The following AGTPBP1 variants were observed in gnomAD, a reference collection of about 807,000 sequenced individuals.
The protein encoded by AGTPBP1 is ATP/GTP binding carboxypeptidase 1.
In AGTPBP1, 70 loss-of-function variants were observed where a neutral mutation model predicts 143.9. The observed-to-expected ratio is 0.49, with a 90% confidence interval of 0.40 to 0.59. The LOEUF is 0.59. Among genes scored for constraint, AGTPBP1 ranks in the 20% least tolerant of loss-of-function variants. The pLI, the probability that AGTPBP1 is intolerant of heterozygous loss-of-function variation, is 0.00. For synonymous variants in AGTPBP1, 463 were observed against 500.2 expected (o/e 0.93, Z 0.99); for missense variants, 1,229 against 1,464.5 (o/e 0.84, Z 2.62).
At chr9:85,721,879 C>G (rs1398358805) in intron 1 of AGTPBP1, among the ~76,000 whole-genome samples, 2 of 152,200 alleles carry the variant, frequency 1.3e-5, no homozygotes, top group Non-Finnish European at 2.9e-5. Context: ...GTGACAAAAT[C>G]TCTCAGCATT....
chr9:85,642,934 T>C lies in AGTPBP1; in HGVS notation c.1195A>G (p.Ile399Val). The change falls in exon 13 of 26, where the codon ATT (isoleucine) becomes GTT (valine). Residue 399 changes from isoleucine to valine, a missense_variant. Ile to Val is a conservative substitution (Grantham distance 29). Transcript: ENST00000357081. ...DLDQNFKNDDIETDINKLKPQ... is the reference protein window; with the variant it reads ...DLDQNFKNDDVETDINKLKPQ... ...TTTAGTTTGTTAATATCTGTTTCAA[T>C]ATCATCATTCTGAAATGATAAAAAG... The C allele has an allele frequency of 6.2e-7, 1 of 1,610,002 alleles. No individual in the cohort carries two copies. Among genetic ancestry groups the C allele is most frequent in the African/African-American group, 1.3e-5 (1 of 74,954 alleles).
intron 25 of AGTPBP1, among the ~76,000 whole-genome samples, chr9:85,558,426 A>G (rs866434102): frequency 1.3e-5 from 2 of 152,230 alleles, no homozygotes; most frequent in Admixed American, 6.5e-5. Context: ...CATTGTCAAC[A>G]TACTAAATGC....
At chr9:85,740,834 A>C (rs1824208101) in intron 1 of AGTPBP1, among the ~76,000 whole-genome samples, 1 of 152,246 alleles carries the variant, frequency 6.6e-6, no homozygotes, top group African/African-American at 2.4e-5. Context: ...ATACTGCCAA[A>C]GAAAATTTCC....
intron 23 of AGTPBP1, among the ~76,000 whole-genome samples, chr9:85,583,999 C>T (rs112272213): frequency 0.012 from 1,775 of 151,816 alleles, 12 homozygotes; most frequent in Admixed American, 0.018. Context: ...GAAGTATGAT[C>T]CAAGCAGAAA....
chr9:85,763,225 C>CT, the AGTPBP1 span, among the ~76,000 whole-genome samples: 1 of 151,786 alleles, frequency 6.6e-6, no homozygotes, highest in Non-Finnish European at 1.5e-5. Context: ...AGAGAAACTA[C>CT]TAGAGAATGT....
At chr9:85,561,710 A>G (rs1199623008) in intron 25 of AGTPBP1, among the ~76,000 whole-genome samples, 2 of 152,192 alleles carry the variant, frequency 1.3e-5, no homozygotes, top group Non-Finnish European at 2.9e-5. Flanking sequence ...ATATCTGTAA[A>G]GTTAAAAATA....
chr9:85,569,161 G>T (rs1281718549), intron 25 of AGTPBP1, among the ~76,000 whole-genome samples: 3 of 152,116 alleles, frequency 2.0e-5, no homozygotes, highest in Non-Finnish European at 4.4e-5. Context: ...CAAGTGACCT[G>T]TGTTAATTAA....
intron 14 of AGTPBP1, among the ~76,000 whole-genome samples, chr9:85,621,992 A>C (rs1032322267): frequency 6.6e-6 from 1 of 152,192 alleles, no homozygotes; most frequent in Non-Finnish European, 1.5e-5. Flanking sequence ...AATAATCACC[A>C]AACTGTGTCA....
At chr9:85,572,004 G>GTCTTTTTT (rs1827509214) in intron 25 of AGTPBP1, among the ~76,000 whole-genome samples, 1 of 43,434 alleles carries the variant, frequency 2.3e-5, no homozygotes, top group Non-Finnish European at 5.0e-5. Context: ...GTTTGTGTGT[G>GTCTTTTTT]TTTTTTTTTT....
At chr9:85,655,411 A>G (rs1833434494) in intron 10 of AGTPBP1, 91 bp from the exon 11 acceptor site, 2 of 1,070,606 alleles carry the variant, frequency 1.9e-6, no homozygotes. Flanking sequence ...ATACATTAAT[A>G]ATTTTCTAGA....
intron 8 of AGTPBP1, among the ~76,000 whole-genome samples, chr9:85,669,094 A>G (rs1794155362): frequency 6.6e-6 from 1 of 150,592 alleles, no homozygotes; most frequent in Admixed American, 6.6e-5. Context: ...AAATGTATCA[A>G]TTTAAGATTG....
At chr9:85,771,826 T>C in the AGTPBP1 span, among the ~76,000 whole-genome samples, 1 of 151,584 alleles carries the variant, frequency 6.6e-6, no homozygotes, top group Non-Finnish European at 1.5e-5. Flanking sequence ...TAATTTTTTT[T>C]GTACTTTTTT....
intron 11 of AGTPBP1, among the ~76,000 whole-genome samples, chr9:85,650,386 A>C (rs1833086651): frequency 6.6e-6 from 1 of 152,158 alleles, no homozygotes; most frequent in African/African-American, 2.4e-5. Flanking sequence ...GTAGACAACA[A>C]GGATGTAAAC....
At chr9:85,684,426 T>C (rs1426943205) in intron 3 of AGTPBP1, among the ~76,000 whole-genome samples, 1 of 152,150 alleles carries the variant, frequency 6.6e-6, no homozygotes, top group Non-Finnish European at 1.5e-5. Flanking sequence ...TTATGAACCT[T>C]TATCTTCAAC....
chr9:85,770,417 C>G, the AGTPBP1 span: 1 of 1,602,506 alleles, frequency 6.2e-7, no homozygotes, highest in Non-Finnish European at 8.5e-7. Flanking sequence ...CGTGGTGAAG[C>G]AAATGTCTTG....
chr9:85,612,497 T>C (rs1394606474), intron 17 of AGTPBP1, among the ~76,000 whole-genome samples: 5 of 152,188 alleles, frequency 3.3e-5, no homozygotes, highest in African/African-American at 1.2e-4. Context: ...GGGCTGTTCA[T>C]CTGAATCCTT....
intron 24 of AGTPBP1, among the ~76,000 whole-genome samples, chr9:85,575,762 T>C (rs1345684590): frequency 2.0e-5 from 3 of 152,278 alleles, no homozygotes; most frequent in Admixed American, 2.0e-4. Context: ...AGTAACACTT[T>C]GTGACGTTAC....
chr9:85,552,018 T>C (rs894367154), intron 25 of AGTPBP1, among the ~76,000 whole-genome samples: 1 of 152,226 alleles, frequency 6.6e-6, no homozygotes, highest in African/African-American at 2.4e-5. Context: ...TGCATCCTTT[T>C]CTGACAGCTG....
chr9:85,771,215 T>A, the AGTPBP1 span, among the ~76,000 whole-genome samples: 1 of 152,182 alleles, frequency 6.6e-6, no homozygotes, highest in Non-Finnish European at 1.5e-5. Flanking sequence ...AATAAAGTCC[T>A]AAGGCCAGGT....
Sources: allele counts gnomAD v4.1 joint callset (sites outside exome capture counted in the v4.1 genomes callset), GRCh38; gene constraint gnomAD v4.1.1; transcripts MANE v1.5; gene names NCBI Gene and HGNC (gene_info 2026-07-23, HGNC 2026-07-21).